RHCE: variants seen among roughly 807,000 people sequenced by gnomAD.
RHCE encodes the protein blood group Rh(CE) polypeptide.
RHCE carries 22 observed loss-of-function variants against 43.8 expected under a neutral mutation model. That is an observed-to-expected ratio of 0.50 (90% CI 0.36 to 0.72). The LOEUF (loss-of-function observed/expected upper bound fraction) is 0.72. Among genes scored for constraint, RHCE ranks in the 30% least tolerant of loss-of-function variants. The pLI, the probability that RHCE is intolerant of heterozygous loss-of-function variation, is 0.00. For synonymous variants in RHCE, 156 were observed against 210.7 expected (o/e 0.74, Z 2.25); for missense variants, 385 against 525.4 (o/e 0.73, Z 2.61).
intron 2 of RHCE, among the ~76,000 whole-genome samples, chr1:25,403,861 C>A (rs983517372): frequency 4.0e-5 from 6 of 151,868 alleles, no homozygotes; most frequent in African/African-American, 1.5e-4. Flanking sequence ...AACAGCATCA[C>A]CTCTTTTAAA....
At chr1:25,429,447 C>T (rs2042832808) in intron 1 of RHCE, among the ~76,000 whole-genome samples, 1 of 152,138 alleles carries the variant, frequency 6.6e-6, no homozygotes, top group African/African-American at 2.4e-5. Flanking sequence ...GCCACCGCGC[C>T]CAGCCCTTCC....
At chr1:25,390,982 T>C (rs1340910635) in intron 4 of RHCE, 67 bp from the exon 5 acceptor site, 19 of 1,608,346 alleles carry the variant, frequency 1.2e-5, no homozygotes, top group Admixed American at 3.3e-5. Flanking sequence ...CCTCGAGGGG[T>C]TTTGGATGAG....
intron 5 of RHCE, 141 bp from the exon 6 acceptor site, chr1:25,389,254 T>C: frequency 1.4e-6 from 2 of 1,449,246 alleles, no homozygotes; most frequent in Non-Finnish European, 1.9e-6. Flanking sequence ...CTCTCCCCTG[T>C]GTTGGGGCTA....
At chr1:25,414,568 G>A (rs1647231482) in intron 1 of RHCE, among the ~76,000 whole-genome samples, 1 of 152,112 alleles carries the variant, frequency 6.6e-6, no homozygotes, top group African/African-American at 2.4e-5. Context: ...GCCAGGGTTT[G>A]GAGTGTTTAC....
In RHCE at chr1:25,394,799, G is replaced by A. The variant is rs2375319; in HGVS notation, c.487-2658C>T. Among the ~76,000 whole-genome samples, 10 of 152,294 alleles carry A rather than the reference G, an allele frequency of 6.6e-5. No homozygotes were observed. The East Asian group carries it at 7.7e-4, about 12-fold the overall frequency. On this transcript the variant is annotated intron_variant, in intron 3 of 9. Transcript: ENST00000294413. Reference sequence around the variant, plus strand: ...GGGCTTGCGTTTTTCATCTCTTTGAGCTCCACCAGGAAGGACTTCAGAAAG... The same window carrying A: ...GGGCTTGCGTTTTTCATCTCTTTGAACTCCACCAGGAAGGACTTCAGAAAG...
At chr1:25,417,873 T>G (rs955417051) in intron 1 of RHCE, among the ~76,000 whole-genome samples, 4 of 152,062 alleles carry the variant, frequency 2.6e-5, no homozygotes, top group African/African-American at 9.7e-5. Context: ...CCATGCCCCT[T>G]CCCCTGTGCC....
Position 25,386,142 on chromosome 1 carries a change from C to T in RHCE, c.940-298G>A, listed in dbSNP as rs116745098. 5.8e-3 allele frequency among the ~76,000 whole-genome samples: 888 copies of T among 152,310 alleles called. 13 individuals carry two copies. Among genetic ancestry groups the T allele is most frequent in the African/African-American group, 0.02 (836 of 41,556 alleles). On this transcript the variant is annotated intron_variant, in intron 6 of 9. Transcript: ENST00000294413. ...ATGAGTAGCAAGGGTCTAGTGTAGG[C>T]ACTATTCACAATTTCAGCTGATAAT...
At chr1:25,390,041 C>A (rs1011457243) in intron 5 of RHCE, among the ~76,000 whole-genome samples, 1 of 152,084 alleles carries the variant, frequency 6.6e-6, no homozygotes, top group African/African-American at 2.4e-5. Flanking sequence ...CCAGCCCCCC[C>A]AGTGCCTCCC....
chr1:25,369,566 T>A (rs535784695), intron 9 of RHCE, among the ~76,000 whole-genome samples: 64 of 151,438 alleles, frequency 4.2e-4, no homozygotes, highest in South Asian at 1.2e-3. Flanking sequence ...CAACAAATGC[T>A]ACAATGTAAC....
intron 3 of RHCE, among the ~76,000 whole-genome samples, chr1:25,395,335 A>C (rs2765565): frequency 6.6e-6 from 1 of 151,042 alleles, no homozygotes; most frequent in Admixed American, 6.6e-5. Context: ...GTGGAGGTGG[A>C]TGGGTGGGTG....
At chr1:25,416,934 A>T (rs1250591702) in intron 1 of RHCE, among the ~76,000 whole-genome samples, 1 of 149,030 alleles carries the variant, frequency 6.7e-6, no homozygotes, top group African/African-American at 2.5e-5. Context: ...TTTTTAATTA[A>T]CTATTACAGA....
At chr1:25,385,364 T>TGCCCA (rs1646121209) in intron 7 of RHCE, 1 of 390,556 alleles carries the variant, frequency 2.6e-6, no homozygotes. Flanking sequence ...TAGTACGCAG[T>TGCCCA]GGGAGCACGT....
intron 1 of RHCE, among the ~76,000 whole-genome samples, chr1:25,414,688 A>G (rs923733239): frequency 1.3e-5 from 2 of 152,172 alleles, no homozygotes; most frequent in Admixed American, 6.6e-5. Context: ...GACCCAGGAT[A>G]GTCTCCCAGT....
chr1:25,406,630 G>GT (rs556085440), intron 2 of RHCE, among the ~76,000 whole-genome samples: 2,588 of 80,528 alleles, frequency 0.032, 241 homozygotes, highest in African/African-American at 0.078. Context: ...GTTGTTTTTG[G>GT]TTTTTTTTTT....
chr1:25,429,498 T>C (rs542018656), intron 1 of RHCE, among the ~76,000 whole-genome samples: 2 of 152,286 alleles, frequency 1.3e-5, no homozygotes, highest in Non-Finnish European at 2.9e-5. Context: ...AACTGCCCCA[T>C]TGTCGTTGAG....
chr1:25,392,774 T>A (rs1646419511), intron 3 of RHCE, among the ~76,000 whole-genome samples: 1 of 151,634 alleles, frequency 6.6e-6, no homozygotes, highest in African/African-American at 2.4e-5. Flanking sequence ...TCTCACTATG[T>A]TGCTCAGGCT....
intron 3 of RHCE, among the ~76,000 whole-genome samples, chr1:25,394,773 C>T (rs1011329538): frequency 1.1e-4 from 17 of 152,130 alleles, no homozygotes; most frequent in Admixed American, 7.2e-4. Context: ...AACTGAAAAG[C>T]GGGCTTGCGT....
chr1:25,397,430 G>A (rs996175697), intron 3 of RHCE, among the ~76,000 whole-genome samples: 1 of 151,630 alleles, frequency 6.6e-6, no homozygotes, highest in East Asian at 2.0e-4. Context: ...CTGGAAGGCA[G>A]AGGTTGCAGT....
chr1:25,424,185 T>C (rs2042788128), upstream of RHCE, among the ~76,000 whole-genome samples: 2 of 152,220 alleles, frequency 1.3e-5, no homozygotes, highest in African/African-American at 4.8e-5. Context: ...TTAAGGTAGG[T>C]GACACTAAGC....
Sources: allele counts gnomAD v4.1 joint callset (sites outside exome capture counted in the v4.1 genomes callset), GRCh38; gene constraint gnomAD v4.1.1; transcripts MANE v1.5; gene names NCBI Gene and HGNC (gene_info 2026-07-23, HGNC 2026-07-21).